CTNND2: variants seen among roughly 807,000 people sequenced by gnomAD.
The protein encoded by CTNND2 is catenin delta 2.
CTNND2 carries 22 observed loss-of-function variants against 144.4 expected under a neutral mutation model. The ratio of observed to expected loss-of-function variants is 0.15; its 90% CI spans 0.11 to 0.22. The LOEUF (loss-of-function observed/expected upper bound fraction) is 0.22. Among genes scored for constraint, CTNND2 ranks in the 10% least tolerant of loss-of-function variants. CTNND2 has a pLI of 1.00. For missense variants in CTNND2, 1,353 were observed against 1,618.8 expected, an observed-to-expected ratio of 0.84 and a Z score of 2.82; for synonymous variants, 751 against 695.6, an observed-to-expected ratio of 1.08 and a Z score of -1.25.
At chr5:11,846,354 T>G (rs933602346) in intron 1 of CTNND2, among the ~76,000 whole-genome samples, 2 of 152,102 alleles carry the variant, frequency 1.3e-5, no homozygotes, top group Non-Finnish European at 2.9e-5. Context: ...AGGTGCTGTG[T>G]TTTTAAGCAT....
At chr5:11,718,175 C>T (rs532184741) in intron 2 of CTNND2, among the ~76,000 whole-genome samples, 5 of 152,244 alleles carry the variant, frequency 3.3e-5, no homozygotes, top group East Asian at 3.9e-4. Flanking sequence ...CCAGGCACTA[C>T]GACAGGCCCT....
At chr5:11,269,241 G>A (rs929724553) in intron 9 of CTNND2, among the ~76,000 whole-genome samples, 8 of 152,200 alleles carry the variant, frequency 5.3e-5, no homozygotes, top group African/African-American at 1.9e-4. Flanking sequence ...GCTTTGAACA[G>A]CGCTTACCCC....
intron 2 of CTNND2, among the ~76,000 whole-genome samples, chr5:11,685,179 T>C (rs1428900921): frequency 1.3e-5 from 2 of 152,206 alleles, no homozygotes; most frequent in African/African-American, 4.8e-5. Context: ...ACATTTTCTT[T>C]GTCCATACCT....
chr5:11,211,224 G>A (rs1450120297), intron 10 of CTNND2, among the ~76,000 whole-genome samples: 1 of 152,156 alleles, frequency 6.6e-6, no homozygotes, highest in African/African-American at 2.4e-5. Context: ...CCAAGGAGAG[G>A]GAGACCTGGA....
chr5:11,218,306 A>C (rs1478015894), intron 10 of CTNND2, among the ~76,000 whole-genome samples: 1 of 152,160 alleles, frequency 6.6e-6, no homozygotes, highest in Non-Finnish European at 1.5e-5. Context: ...TCCAGAATTG[A>C]CAAGCCAGCA....
chr5:11,033,016 A>C (rs1214436389), intron 16 of CTNND2, among the ~76,000 whole-genome samples: 1 of 152,246 alleles, frequency 6.6e-6, no homozygotes, highest in Non-Finnish European at 1.5e-5. Context: ...ATTGTGTTAT[A>C]GTTACATAAG....
intron 9 of CTNND2, among the ~76,000 whole-genome samples, chr5:11,304,960 G>A (rs1042950536): frequency 1.4e-4 from 21 of 151,980 alleles, no homozygotes; most frequent in South Asian, 2.1e-4. Context: ...TTCCTTGCTT[G>A]CTTGCTTGCT....
chr5:11,631,405 T>A lies in CTNND2; in HGVS notation c.175-66349A>T, dbSNP rs138769454. 6.7e-4 allele frequency among the ~76,000 whole-genome samples: 102 copies of A among 152,324 alleles called. 1 individual carries two copies. Among genetic ancestry groups the A allele is most frequent in the Admixed American group, 3.6e-3 (55 of 15,300 alleles). ...CTTTACTACTATAAAAATTTTCTTA[T>A]TATTTGGTAAGGAAAGGCCCTATTT... On this transcript the variant is annotated intron_variant, in intron 2 of 21. Coordinates refer to ENST00000304623, the MANE Select transcript of CTNND2 (RefSeq NM_001332.4).
At chr5:11,517,404 G>A (rs976249799) in intron 3 of CTNND2, among the ~76,000 whole-genome samples, 2 of 152,110 alleles carry the variant, frequency 1.3e-5, no homozygotes, top group African/African-American at 4.8e-5. Flanking sequence ...CTACAATAGG[G>A]TAACACTAAT....
chr5:11,463,175 A>G (rs918530703), intron 3 of CTNND2, among the ~76,000 whole-genome samples: 2 of 152,242 alleles, frequency 1.3e-5, no homozygotes, highest in Non-Finnish European at 2.9e-5. Flanking sequence ...TACTTTTGGT[A>G]TATGATACAC....
intron 1 of CTNND2, among the ~76,000 whole-genome samples, chr5:11,815,444 G>T (rs778795137): frequency 2.0e-5 from 3 of 152,114 alleles, no homozygotes; most frequent in African/African-American, 7.2e-5. Context: ...AGCTATTAAT[G>T]AATTTTATCT....
At chr5:11,002,597 C>T (rs1740070195) in intron 18 of CTNND2, among the ~76,000 whole-genome samples, 1 of 152,140 alleles carries the variant, frequency 6.6e-6, no homozygotes, top group South Asian at 2.1e-4. Context: ...GGAGAGAAAA[C>T]AGGCTAAATA....
At chr5:11,718,418 T>C (rs1786475264) in intron 2 of CTNND2, among the ~76,000 whole-genome samples, 1 of 152,140 alleles carries the variant, frequency 6.6e-6, no homozygotes, top group Non-Finnish European at 1.5e-5. Context: ...AATATCTCCT[T>C]CTCCATTCAC....
At chr5:11,717,898 G>A (rs534526506) in intron 2 of CTNND2, among the ~76,000 whole-genome samples, 1 of 152,182 alleles carries the variant, frequency 6.6e-6, no homozygotes, top group East Asian at 1.9e-4. Flanking sequence ...TTTGGGTGGG[G>A]ACACAGCCAA....
At chr5:11,259,189 T>C (rs894124606) in intron 9 of CTNND2, among the ~76,000 whole-genome samples, 1 of 152,212 alleles carries the variant, frequency 6.6e-6, no homozygotes, top group African/African-American at 2.4e-5. Flanking sequence ...AGCCTGATGG[T>C]CTGCCCTGCA....
intron 3 of CTNND2, among the ~76,000 whole-genome samples, chr5:11,515,376 G>A (rs758653735): frequency 3.3e-5 from 5 of 152,202 alleles, no homozygotes; most frequent in Admixed American, 6.5e-5. Flanking sequence ...TAGAAAGAGA[G>A]GAATAGAATC....
chr5:11,101,549 A>G (rs1333898648), intron 14 of CTNND2, among the ~76,000 whole-genome samples: 6 of 152,222 alleles, frequency 3.9e-5, no homozygotes, highest in Non-Finnish European at 7.3e-5. Flanking sequence ...AATATCTACA[A>G]AAATGGGACA....
intron 9 of CTNND2, among the ~76,000 whole-genome samples, chr5:11,298,364 A>C (rs1749234528): frequency 6.6e-6 from 1 of 151,904 alleles, no homozygotes; most frequent in South Asian, 2.1e-4. Context: ...AGAGATGGGG[A>C]CTTGCTATGT....
intron 11 of CTNND2, among the ~76,000 whole-genome samples, chr5:11,187,824 T>C (rs1185795403): frequency 6.6e-6 from 1 of 152,200 alleles, no homozygotes; most frequent in African/African-American, 2.4e-5. Flanking sequence ...AAAGAAGACA[T>C]TCATGCAGCC....
Sources: allele counts gnomAD v4.1 joint callset (sites outside exome capture counted in the v4.1 genomes callset), GRCh38; gene constraint gnomAD v4.1.1; transcripts MANE v1.5; gene names NCBI Gene and HGNC (gene_info 2026-07-23, HGNC 2026-07-21).